The following DOK7 variants were observed in gnomAD, a reference collection of about 807,000 sequenced individuals.
DOK7 encodes docking protein 7.
In DOK7, 32 loss-of-function variants were observed where a neutral mutation model predicts 30.7. The observed-to-expected ratio is 1.04, with a 90% CI of 0.79 to 1.40. The LOEUF is 1.40. Ranked by LOEUF, DOK7 falls within the 40% of genes most tolerant of loss-of-function variation. DOK7 has a pLI of 0.00. For missense variants in DOK7, 1,007 were observed against 699.2 expected, an observed-to-expected ratio of 1.44 and a Z score of -4.97; for synonymous variants, 447 against 324.1, an observed-to-expected ratio of 1.38 and a Z score of -4.07.
At chr4:3,471,832 C>T (rs1294081643) in intron 2 of DOK7, among the ~76,000 whole-genome samples, 3 of 152,248 alleles carry the variant, frequency 2.0e-5, no homozygotes, top group African/African-American at 7.2e-5. Context: ...GCTTCTTTCT[C>T]AAATTGGGAA....
At chr4:3,495,371 C>A (rs1045332434), downstream of DOK7, among the ~76,000 whole-genome samples, 1 of 152,242 alleles carries the variant, frequency 6.6e-6, no homozygotes, top group Non-Finnish European at 1.5e-5. Flanking sequence ...GGGTCGCCTG[C>A]CCAAGGCTAG....
At chr4:3,496,524 C>G (rs1728922182), downstream of DOK7, among the ~76,000 whole-genome samples, 1 of 152,242 alleles carries the variant, frequency 6.6e-6, no homozygotes. Context: ...GGCCTCAGGG[C>G]TGGGAACCGC....
chr4:3,493,190 C>T lies in DOK7; in HGVS notation c.1204C>T (p.Arg402Trp), dbSNP rs149905649. ...CGAGTACCAGGTGCCCACCTCCCTG[C>T]GGGCCCACTATGACACACCACGCAG... ...TVEYQVPTSL[R>W]AHYDTPRSLC... The change falls in exon 7 of 7, where the codon CGG (arginine) becomes TGG (tryptophan). Residue 402 changes from arginine (R) to tryptophan (W), a missense_variant. Arg to Trp is a moderately radical substitution (Grantham distance 101). Transcript: ENST00000340083. 1.5e-3 allele frequency: 2,356 copies of T among 1,610,674 alleles called. 15 individuals are homozygous for T. The African/African-American group carries it at 0.016, about 11-fold the overall frequency.
At chr4:3,479,198 G>A (rs1289085167) in intron 4 of DOK7, among the ~76,000 whole-genome samples, 5 of 152,222 alleles carry the variant, frequency 3.3e-5, no homozygotes, top group Non-Finnish European at 7.3e-5. Context: ...GCCTCGGCTC[G>A]TGGCTGTGCC....
chr4:3,496,870 C>T (rs1260689303), downstream of DOK7: 1 of 1,528,958 alleles, frequency 6.5e-7, no homozygotes, highest in East Asian at 2.5e-5. Context: ...CAGGTAGGCA[C>T]CTGGAGCCAG....
In DOK7 at chr4:3,493,070, G is replaced by C; in HGVS notation, c.1084G>C (p.Val362Leu). Residue 362 changes from valine to leucine, a missense_variant, in exon 7 of 7, where the codon GTG becomes CTG. Physicochemically the swap from Val to Leu is conservative, Grantham distance 32. Coordinates refer to ENST00000340083, the MANE Select transcript of DOK7 (RefSeq NM_173660.5). ...LSSYAGSSLD[V>L]WRATDELGSL... ...GTCCTACGCGGGCAGCAGCCTGGAC[G>C]TGTGGCGGGCCACAGATGAACTGGG... 12 of 1,575,556 alleles carry C rather than the reference G, an allele frequency of 7.6e-6. No homozygotes were observed. The highest frequency in any genetic ancestry group is 1.0e-5 in the Non-Finnish European group (12 of 1,165,218).
chr4:3,491,337 CCTT>C (rs913598116), intron 6 of DOK7, among the ~76,000 whole-genome samples: 4 of 123,964 alleles, frequency 3.2e-5, no homozygotes, highest in Non-Finnish European at 3.4e-5. Flanking sequence ...TTCATTCCTT[CCTT>C]CTTCGCCTGC....
chr4:3,489,648 T>C, intron 5 of DOK7, 29 bp from the exon 6 acceptor site: 1 of 1,560,018 alleles, frequency 6.4e-7, no homozygotes, highest in Non-Finnish European at 8.7e-7. Context: ...GGTGGCCACC[T>C]CCTCCACCGA....
At chr4:3,498,630 A>C (rs1426200772), downstream of DOK7, among the ~76,000 whole-genome samples, 14 of 126,864 alleles carry the variant, frequency 1.1e-4, no homozygotes, top group South Asian at 5.1e-4. Flanking sequence ...CTCTCCCACC[A>C]CCCCCTCTTG....
At chr4:3,468,899 G>GTA (rs1331532560) in intron 2 of DOK7, among the ~76,000 whole-genome samples, 1 of 139,292 alleles carries the variant, frequency 7.2e-6, no homozygotes, top group African/African-American at 2.6e-5. Flanking sequence ...GTGTATGTGT[G>GTA]CATGTCTGTG....
intron 3 of DOK7, among the ~76,000 whole-genome samples, chr4:3,475,131 G>C (rs905657622): frequency 6.6e-6 from 1 of 152,176 alleles, no homozygotes; most frequent in African/African-American, 2.4e-5. Context: ...GAGGAGGTGC[G>C]GTTGGCTCTG....
rs1728745206 is a variant in DOK7, at chr4:3,494,086, C to T, written c.*585C>T. 2.0e-6 allele frequency: 2 copies of T among 986,472 alleles called. No homozygotes were observed. The highest frequency in any genetic ancestry group is 2.4e-6 in the Non-Finnish European group (2 of 830,814). The allele number at this position is 986,472 out of a possible 1,614,324, so 61.1% of individuals were successfully genotyped here. ...GTGTGGCTTGCGGGGTCTCTGGGTT[C>T]TGGGCCCCACTGTTCCCCAGTGAAG... On this transcript the variant is annotated 3_prime_UTR_variant, in exon 7 of 7. Transcript: ENST00000340083.
downstream of DOK7, chr4:3,494,581 C>G (rs974624393): frequency 1.1e-6 from 1 of 945,712 alleles, no homozygotes; most frequent in Non-Finnish European, 1.3e-6. Context: ...CCCGGCTTCC[C>G]TGGCCTTTAT....
intron 2 of DOK7, 59 bp from the exon 3 acceptor site, chr4:3,473,347 C>T (rs1008897620): frequency 2.4e-5 from 38 of 1,562,190 alleles, no homozygotes; most frequent in Middle Eastern, 2.3e-4. Context: ...TCCCCGGGGA[C>T]GCCAAGGGTG....
In DOK7 at chr4:3,472,011, G is replaced by A. The variant is rs185608406; in HGVS notation, c.101-1395G>A. The stretch of plus-strand genomic sequence containing the variant: ...ACACAGGGTCTGAGGCTGCTTTCAC[G>A]CAGCAAGGGTGGCGGTGCTGAGTAG... On this transcript the variant is annotated intron_variant, in intron 2 of 6. Coordinates refer to ENST00000340083, the MANE Select transcript of DOK7 (RefSeq NM_173660.5). 6.8e-4 allele frequency among the ~76,000 whole-genome samples: 103 copies of A among 152,382 alleles called. No individual in the cohort carries two copies. The South Asian group carries it at 9.9e-3, about 15-fold the overall frequency.
intron 3 of DOK7, among the ~76,000 whole-genome samples, chr4:3,475,154 G>A (rs1487499358): frequency 6.6e-6 from 1 of 152,220 alleles, no homozygotes; most frequent in Non-Finnish European, 1.5e-5. Context: ...GGAGGGCGCA[G>A]GGGAAGGAGA....
At chr4:3,469,176 C>T (rs34375201) in intron 2 of DOK7, among the ~76,000 whole-genome samples, 13,107 of 142,216 alleles carry the variant, frequency 0.092, 799 homozygotes, top group Middle Eastern at 0.14. Context: ...TGTGTGTGTG[C>T]GTCTGTGTGA....
At chr4:3,498,127 C>T (rs566605209), downstream of DOK7, among the ~76,000 whole-genome samples, 26 of 152,206 alleles carry the variant, frequency 1.7e-4, 1 homozygote, top group Admixed American at 4.6e-4. Context: ...CAGCCCAGGG[C>T]GGGGTCTGGG....
downstream of DOK7, among the ~76,000 whole-genome samples, chr4:3,495,045 CT>C (rs1012558642): frequency 1.3e-5 from 2 of 152,186 alleles, no homozygotes; most frequent in African/African-American, 2.4e-5. Flanking sequence ...CAAGCGTGGG[CT>C]TTGGGGACTG....
Sources: gnomAD v4.1 joint callset for allele counts (sites outside exome capture counted in the v4.1 genomes callset) on GRCh38, gnomAD v4.1.1 for gene constraint, MANE v1.5 for transcripts, NCBI Gene and HGNC (gene_info 2026-07-23, HGNC 2026-07-21) for gene names.